The following GABRG2 variants were observed in gnomAD, a reference collection of about 807,000 sequenced individuals.
The protein encoded by GABRG2 is gamma-aminobutyric acid type A receptor subunit gamma2.
GABRG2 carries 16 observed loss-of-function variants against 56.4 expected under a neutral mutation model. The observed-to-expected ratio is 0.28, with a 90% CI of 0.19 to 0.43. GABRG2 has a LOEUF of 0.43. Among genes scored for constraint, GABRG2 ranks in the 20% least tolerant of loss-of-function variants. The probability of loss-of-function intolerance (pLI) is 1.00; values close to 1 mark genes in which losing one functional copy is unlikely to be tolerated. For missense variants in GABRG2, 327 were observed against 582.7 expected, an observed-to-expected ratio of 0.56 and a Z score of 4.52; for synonymous variants, 208 against 205.5, an observed-to-expected ratio of 1.01 and a Z score of -0.10.
Position 162,110,234 on chromosome 5 carries a change from G to C in GABRG2, c.769+6208G>C, listed in dbSNP as rs150612177. ...ACAATTTCAAAACATCAGCTCCATGGATGAAGTTCATGCTTGTTGCCTGAT... is the reference window on the plus strand; with the variant it reads ...ACAATTTCAAAACATCAGCTCCATGCATGAAGTTCATGCTTGTTGCCTGAT... On this transcript the variant is annotated intron_variant, in intron 6 of 9. Transcript: ENST00000639213. 2.7e-3 allele frequency among the ~76,000 whole-genome samples: 408 copies of C among 152,112 alleles called. 5 individuals are homozygous for C. Among genetic ancestry groups the C allele is most frequent in the African/African-American group, 9.4e-3 (390 of 41,518 alleles).
intron 1 of GABRG2, among the ~76,000 whole-genome samples, chr5:162,072,686 A>G (rs1758768413): frequency 1.3e-5 from 2 of 151,976 alleles, no homozygotes; most frequent in Admixed American, 6.6e-5. Context: ...ACTGAATCAA[A>G]TAATACACAC....
At chr5:162,137,381 C>T (rs1764213548) in intron 6 of GABRG2, among the ~76,000 whole-genome samples, 2 of 152,144 alleles carry the variant, frequency 1.3e-5, no homozygotes, top group Admixed American at 6.5e-5. Context: ...ACCTCTGATC[C>T]CTGTCCACAT....
intron 1 of GABRG2, among the ~76,000 whole-genome samples, chr5:162,087,287 G>A (rs1760197247): frequency 6.6e-6 from 1 of 151,978 alleles, no homozygotes; most frequent in Non-Finnish European, 1.5e-5. Context: ...TATCTGTGAA[G>A]CTCATGCGCT....
At chr5:162,126,126 G>A (rs893034800) in intron 6 of GABRG2, among the ~76,000 whole-genome samples, 2 of 151,924 alleles carry the variant, frequency 1.3e-5, no homozygotes, top group Admixed American at 6.6e-5. Context: ...TACGAAAGAT[G>A]TGGAGTATGT....
chr5:162,078,386 TATATA>T (rs1168916627), intron 1 of GABRG2, among the ~76,000 whole-genome samples: 615 of 38,714 alleles, frequency 0.016, 4 homozygotes, highest in Non-Finnish European at 0.026. Context: ...TATATATATA[TATATA>T]TATATATTTT....
At chr5:162,072,845 G>A (rs1758786725) in intron 1 of GABRG2, among the ~76,000 whole-genome samples, 1 of 151,884 alleles carries the variant, frequency 6.6e-6, no homozygotes, top group Non-Finnish European at 1.5e-5. Context: ...ACTATAATAA[G>A]TATGAATGTG....
chr5:162,090,015 C>A (rs928463212), intron 1 of GABRG2, among the ~76,000 whole-genome samples: 2 of 152,118 alleles, frequency 1.3e-5, no homozygotes, highest in Non-Finnish European at 2.9e-5. Context: ...TGAACAGTCT[C>A]TATGCAGTAT....
intron 9 of GABRG2, chr5:162,152,025 G>T: frequency 2.8e-6 from 1 of 354,262 alleles, no homozygotes; most frequent in Non-Finnish European, 5.1e-6. Context: ...GCCAAAATGA[G>T]CTTCCTCTTT....
intron 6 of GABRG2, among the ~76,000 whole-genome samples, chr5:162,124,512 G>A (rs1321484552): frequency 6.6e-6 from 1 of 151,646 alleles, no homozygotes; most frequent in Non-Finnish European, 1.5e-5. Context: ...GGAATAGGAA[G>A]GAATGCGGCA....
Position 162,097,566 on chromosome 5 carries a change from T to G in GABRG2, c.328-72T>G. On this transcript the variant is annotated intron_variant, in intron 3 of 9. Coordinates refer to ENST00000639213, the MANE Select transcript of GABRG2 (RefSeq NM_198904.4). ...TTCATATTGGCAAAGAAAACAGGAA[T>G]GAAATATACCAATATTTAAAAAGAT... 3 of 1,168,928 alleles carry G rather than the reference T, an allele frequency of 2.6e-6. 1 individual carries two copies. Among genetic ancestry groups the G allele is most frequent in the Non-Finnish European group, 3.8e-6 (3 of 790,610 alleles). The allele number at this position is 1,168,928 out of a possible 1,614,324, so 72.4% of individuals were successfully genotyped here.
At chr5:162,096,456 TC>T (rs1290857851) in intron 3 of GABRG2, among the ~76,000 whole-genome samples, 2 of 152,160 alleles carry the variant, frequency 1.3e-5, no homozygotes, top group Non-Finnish European at 2.9e-5. Context: ...AGTTTTTTAT[TC>T]ATGGCTTTTC....
At chr5:162,094,012 T>C (rs749427741) in intron 2 of GABRG2, 33 bp downstream of exon 2, 1 of 1,603,786 alleles carries the variant, frequency 6.2e-7, no homozygotes, top group East Asian at 2.2e-5. Flanking sequence ...GTGCTATAGA[T>C]AGGAGCACAT....
chr5:162,145,023 C>G (rs1419300288), intron 7 of GABRG2, among the ~76,000 whole-genome samples: 1 of 152,192 alleles, frequency 6.6e-6, no homozygotes, highest in African/African-American at 2.4e-5. Flanking sequence ...GAACCCTGCT[C>G]TAGACTTCAT....
chr5:162,105,808 A>AAC (rs1268492336), intron 6 of GABRG2, among the ~76,000 whole-genome samples: 1 of 68,416 alleles, frequency 1.5e-5, no homozygotes, highest in East Asian at 3.5e-4. Context: ...GGCGAAAGAA[A>AAC]ACACATACAC....
intron 1 of GABRG2, among the ~76,000 whole-genome samples, chr5:162,092,595 G>T (rs140111642): frequency 4.5e-4 from 68 of 152,038 alleles, no homozygotes; most frequent in South Asian, 1.5e-3. Flanking sequence ...ACACACACAG[G>T]TATGTATATT....
Position 162,068,134 on chromosome 5 carries a change from T to G in GABRG2, c.107+28T>G, listed in dbSNP as rs778689358. The G allele has an allele frequency of 5.1e-6, 8 of 1,554,294 alleles. No individual in the cohort carries two copies. The East Asian group carries it at 1.6e-4, about 31-fold the overall frequency. On this transcript the variant is annotated intron_variant, in intron 1 of 9. Coordinates refer to ENST00000639213, the MANE Select transcript of GABRG2 (RefSeq NM_198904.4). ...AAGATGTGCCCTTTTTGGCGTCGTT[T>G]TGTTCTGAAGAGGTGGGGGGAAGGT... is the stretch of plus-strand genomic sequence containing the variant.
intron 6 of GABRG2, among the ~76,000 whole-genome samples, chr5:162,104,734 G>A (rs933421023): frequency 3.1e-4 from 46 of 150,238 alleles, no homozygotes; most frequent in African/African-American, 1.1e-3. Flanking sequence ...ATTATCAGAT[G>A]TGCATGATAA....
At chr5:162,152,423 T>G in intron 9 of GABRG2, 1 of 470,222 alleles carries the variant, frequency 2.1e-6, no homozygotes, top group Non-Finnish European at 4.2e-6. Context: ...ATTTACCAAC[T>G]GGTCTAGCAG....
intron 1 of GABRG2, among the ~76,000 whole-genome samples, chr5:162,070,629 A>C (rs1581282007): frequency 1.3e-5 from 2 of 152,156 alleles, no homozygotes; most frequent in Non-Finnish European, 2.9e-5. Flanking sequence ...GTCTTTACAA[A>C]AGTGAAACAA....
Sources: allele counts gnomAD v4.1 joint callset (sites outside exome capture counted in the v4.1 genomes callset), GRCh38; gene constraint gnomAD v4.1.1; transcripts MANE v1.5; gene names NCBI Gene and HGNC (gene_info 2026-07-23, HGNC 2026-07-21).